The following UGT1A10 variants were observed in gnomAD, a reference collection of about 807,000 sequenced individuals.
UGT1A10 encodes the protein UDP glucuronosyltransferase family 1 member A10.
UGT1A10 carries 49 observed loss-of-function variants against 45.8 expected under a neutral mutation model. The ratio of observed to expected loss-of-function variants is 1.07; its 90% CI spans 0.85 to 1.36. The LOEUF is 1.36. Ranked by LOEUF, UGT1A10 falls within the 40% of genes most tolerant of loss-of-function variation. The pLI, the probability that UGT1A10 is intolerant of heterozygous loss-of-function variation, is 0.00. For synonymous variants in UGT1A10, 284 were observed against 249.7 expected, an observed-to-expected ratio of 1.14 and a Z score of -1.29; for missense variants, 745 against 668.6, an observed-to-expected ratio of 1.11 and a Z score of -1.26.
At chr2:233,740,774 A>AAAG (rs1357611508) in intron 1 of UGT1A10, 1 of 151,862 alleles carries the variant, frequency 6.6e-6, no homozygotes, top group African/African-American at 2.4e-5. Flanking sequence ...CCGTTGTATA[A>AAAG]AAGATGAATA....
In UGT1A10 at chr2:233,769,569, G is replaced by A; in HGVS notation, c.1295+1130G>A. ...TCAGGAAGACAGATGTGAAGAGCTG[G>A]AGCATGTTCAGATGAGAGGAGACGG... On this transcript the variant is annotated intron_variant, in intron 4 of 4. Transcript: ENST00000344644. The surrounding 1 kb of genome is among the most constrained non-coding windows in gnomAD (Gnocchi z 4.4). The A allele has an allele frequency of 1.2e-6, 2 of 1,612,870 alleles. No individual in the cohort carries two copies. The highest frequency in any genetic ancestry group is 2.2e-5 in the South Asian group (2 of 91,064).
chr2:233,760,912 C>A (rs72551343), intron 1 of UGT1A10: 1 of 1,614,188 alleles, frequency 6.2e-7, no homozygotes, highest in South Asian at 1.1e-5. Context: ...CTTCCTGCAG[C>A]GGGTGAAGAA....
intron 1 of UGT1A10, chr2:233,743,958 G>C (rs747210262): frequency 1.5e-6 from 2 of 1,336,694 alleles, no homozygotes; most frequent in Non-Finnish European, 2.0e-6. Flanking sequence ...GGCACAGCGA[G>C]CGGCAAGGCT....
At chr2:233,751,615 T>C (rs531404071) in intron 1 of UGT1A10, among the ~76,000 whole-genome samples, 1 of 152,176 alleles carries the variant, frequency 6.6e-6, no homozygotes, top group Non-Finnish European at 1.5e-5. Flanking sequence ...TGGGAGGTGA[T>C]TGGATCATGT....
chr2:233,658,582 G>A (rs940155412), intron 1 of UGT1A10, among the ~76,000 whole-genome samples: 7 of 152,106 alleles, frequency 4.6e-5, no homozygotes, highest in African/African-American at 7.2e-5. Context: ...AGTTCTGGTC[G>A]GATGTTCTGT....
intron 1 of UGT1A10, among the ~76,000 whole-genome samples, chr2:233,759,580 A>G (rs1271749262): frequency 2.0e-5 from 3 of 151,416 alleles, no homozygotes; most frequent in Non-Finnish European, 2.9e-5. Flanking sequence ...TCTCTACCCC[A>G]GCACGCCCCC....
intron 1 of UGT1A10, chr2:233,744,108 T>G: frequency 2.5e-6 from 1 of 394,750 alleles, no homozygotes; most frequent in South Asian, 2.1e-5. Flanking sequence ...GGACTGGCCC[T>G]GCTCTCTGTG....
chr2:233,772,134 T>C (rs1486740901), intron 4 of UGT1A10, 128 bp from the exon 5 acceptor site: 2 of 1,545,866 alleles, frequency 1.3e-6, no homozygotes, highest in Non-Finnish European at 1.7e-6. Flanking sequence ...ACAACAACAA[T>C]AATAGAAACA....
chr2:233,724,478 T>C (rs865902503), intron 1 of UGT1A10, among the ~76,000 whole-genome samples: 108 of 60,136 alleles, frequency 1.8e-3, no homozygotes, highest in South Asian at 3.9e-3. Flanking sequence ...TCCTCACTTC[T>C]CAGACGGGGC....
At chr2:233,709,173 C>G (rs571228919) in intron 1 of UGT1A10, among the ~76,000 whole-genome samples, 2 of 152,222 alleles carry the variant, frequency 1.3e-5, no homozygotes, top group South Asian at 4.2e-4. Context: ...GTCACATGTT[C>G]TATCCTGAGC....
intron 1 of UGT1A10, among the ~76,000 whole-genome samples, chr2:233,737,657 C>T (rs962486142): frequency 2.6e-5 from 4 of 152,206 alleles, no homozygotes; most frequent in African/African-American, 9.6e-5. Context: ...CTGGGAGCTG[C>T]AGATCGGAGC....
intron 1 of UGT1A10, among the ~76,000 whole-genome samples, chr2:233,701,032 C>T (rs559298566): frequency 1.3e-5 from 2 of 152,236 alleles, no homozygotes; most frequent in East Asian, 3.9e-4. Context: ...ATCCATGTCC[C>T]TACAAAGGAC....
intron 1 of UGT1A10, among the ~76,000 whole-genome samples, chr2:233,640,939 A>G (rs2073435541): frequency 6.6e-6 from 1 of 152,174 alleles, no homozygotes; most frequent in African/African-American, 2.4e-5. Flanking sequence ...ATGAACTATA[A>G]GTCTCCCTTT....
intron 1 of UGT1A10, among the ~76,000 whole-genome samples, chr2:233,654,695 T>G (rs1242170704): frequency 6.6e-6 from 1 of 152,186 alleles, no homozygotes; most frequent in Non-Finnish European, 1.5e-5. Context: ...TCCTGCAGGG[T>G]CTGCACCCAT....
At chr2:233,738,047 C>T (rs1690670574) in intron 1 of UGT1A10, among the ~76,000 whole-genome samples, 1 of 152,068 alleles carries the variant, frequency 6.6e-6, no homozygotes, top group Non-Finnish European at 1.5e-5. Flanking sequence ...GTGTTGAGGA[C>T]AGGACATGGT....
chr2:233,674,429 C>T (rs2074284490), intron 1 of UGT1A10, among the ~76,000 whole-genome samples: 1 of 152,156 alleles, frequency 6.6e-6, no homozygotes, highest in African/African-American at 2.4e-5. Context: ...GTAACAGGCA[C>T]CACTTATGTG....
At chr2:233,765,778 A>G (rs1698945501) in intron 1 of UGT1A10, among the ~76,000 whole-genome samples, 2 of 152,070 alleles carry the variant, frequency 1.3e-5, no homozygotes, top group African/African-American at 2.4e-5. Context: ...GATTCATTGG[A>G]CCACTGAAAA....
chr2:233,712,450 C>T (rs1338791134), intron 1 of UGT1A10, among the ~76,000 whole-genome samples: 1 of 152,288 alleles, frequency 6.6e-6, no homozygotes, highest in East Asian at 1.9e-4. Context: ...CGACCAAAAC[C>T]AGATAGCCAG....
At chr2:233,743,810 G>C (rs765761325) in intron 1 of UGT1A10, 1 of 1,367,316 alleles carries the variant, frequency 7.3e-7, no homozygotes, top group Non-Finnish European at 9.8e-7. Flanking sequence ...CTTGTTCTCA[G>C]GGTTTTTGTC....
Sources: allele counts gnomAD v4.1 joint callset (sites outside exome capture counted in the v4.1 genomes callset), GRCh38; gene constraint gnomAD v4.1.1; non-coding constraint Gnocchi (gnomAD v3.1); transcripts MANE v1.5; gene names NCBI Gene and HGNC (gene_info 2026-07-23, HGNC 2026-07-21).